TSPAN9: variants seen among roughly 807,000 people sequenced by gnomAD.
TSPAN9 encodes the protein tetraspanin 9.
Under a neutral mutation model 31.0 loss-of-function variants are expected in TSPAN9, and 16 were observed. The ratio of observed to expected loss-of-function variants is 0.52; its 90% CI spans 0.35 to 0.78. The LOEUF (loss-of-function observed/expected upper bound fraction) is 0.78. Ranked by LOEUF, TSPAN9 falls within the 30% of genes least tolerant of loss-of-function variation. The pLI, the probability that TSPAN9 is intolerant of heterozygous loss-of-function variation, is 0.01. For missense variants in TSPAN9, 272 were observed against 312.5 expected, an observed-to-expected ratio of 0.87 and a Z score of 0.98; for synonymous variants, 145 against 121.6, an observed-to-expected ratio of 1.19 and a Z score of -1.27.
chr12:3,159,128 A>G (rs2098343784), intron 2 of TSPAN9, among the ~76,000 whole-genome samples: 1 of 151,726 alleles, frequency 6.6e-6, no homozygotes, highest in Non-Finnish European at 1.5e-5. Context: ...TTCTAAGTTT[A>G]AAGTTCTCTT....
chr12:3,123,551 A>G (rs1349839363), intron 2 of TSPAN9, among the ~76,000 whole-genome samples: 1 of 151,564 alleles, frequency 6.6e-6, no homozygotes, highest in African/African-American at 2.4e-5. Flanking sequence ...GATGAGAGAG[A>G]CAGCTGTATG....
chr12:3,082,009 A>G (rs894285871), intron 1 of TSPAN9, among the ~76,000 whole-genome samples: 1 of 151,926 alleles, frequency 6.6e-6, no homozygotes, highest in Non-Finnish European at 1.5e-5. Flanking sequence ...TAAAAAAAAA[A>G]GTCTGTGCTA....
At chr12:3,264,796 C>T (rs367972021) in intron 3 of TSPAN9, among the ~76,000 whole-genome samples, 34 of 152,366 alleles carry the variant, frequency 2.2e-4, no homozygotes, top group African/African-American at 7.7e-4. Context: ...TTAATCCTGA[C>T]GACGACTCTA....
intron 3 of TSPAN9, among the ~76,000 whole-genome samples, chr12:3,256,833 C>T (rs1862356787): frequency 6.6e-6 from 1 of 152,252 alleles, no homozygotes; most frequent in South Asian, 2.1e-4. Context: ...AAATACACGG[C>T]GACTCTCCCA....
intron 2 of TSPAN9, among the ~76,000 whole-genome samples, chr12:3,101,773 A>G (rs533261667): frequency 2.8e-4 from 42 of 152,256 alleles, no homozygotes; most frequent in Non-Finnish European, 5.6e-4. Context: ...CTGGAGACAC[A>G]GTGCCTTTGA....
At chr12:3,141,083 A>G (rs1255780452) in intron 2 of TSPAN9, among the ~76,000 whole-genome samples, 1 of 151,804 alleles carries the variant, frequency 6.6e-6, no homozygotes, top group African/African-American at 2.4e-5. Context: ...GTTGACGAGG[A>G]CCACGGGGCT....
intron 5 of TSPAN9, 89 bp downstream of exon 5, chr12:3,279,155 G>A (rs1473899239): frequency 3.3e-6 from 4 of 1,201,590 alleles, no homozygotes; most frequent in Non-Finnish European, 4.9e-6. Flanking sequence ...CCTGGCCAGA[G>A]GAAGAGTGCT....
At chr12:3,106,981 C>A (rs573816730) in intron 2 of TSPAN9, among the ~76,000 whole-genome samples, 39 of 152,176 alleles carry the variant, frequency 2.6e-4, no homozygotes, top group Non-Finnish European at 5.0e-4. Context: ...TGGAAAAGGA[C>A]CATTTTGGGA....
chr12:3,249,283 C>A (rs1862201621), intron 3 of TSPAN9, among the ~76,000 whole-genome samples: 1 of 152,190 alleles, frequency 6.6e-6, no homozygotes, highest in East Asian at 1.9e-4. Flanking sequence ...CTCTCTGTTC[C>A]AACCAGTCAC....
chr12:3,267,354 G>A (rs190612753), intron 3 of TSPAN9, among the ~76,000 whole-genome samples: 6 of 152,356 alleles, frequency 3.9e-5, no homozygotes, highest in Non-Finnish European at 5.9e-5. Flanking sequence ...GTGTCCCTGA[G>A]TGCTGGGGAG....
chr12:3,078,370 C>T (rs1343090606), intron 1 of TSPAN9, among the ~76,000 whole-genome samples: 2 of 152,178 alleles, frequency 1.3e-5, no homozygotes, highest in Non-Finnish European at 2.9e-5. Flanking sequence ...CTCCAGGAAG[C>T]TTTCCTGGAC....
intron 3 of TSPAN9, among the ~76,000 whole-genome samples, chr12:3,274,116 A>G (rs889644108): frequency 9.2e-5 from 14 of 152,306 alleles, no homozygotes; most frequent in African/African-American, 2.9e-4. Context: ...TGTCCTGTGC[A>G]CTGCGGGGTG....
chr12:3,181,885 T>G (rs912371345), intron 2 of TSPAN9, among the ~76,000 whole-genome samples: 2 of 152,184 alleles, frequency 1.3e-5, no homozygotes. Flanking sequence ...CATGGGTGCC[T>G]GAGCTCAAAA....
chr12:3,161,570 G>A (rs539779495), intron 2 of TSPAN9, among the ~76,000 whole-genome samples: 34 of 152,314 alleles, frequency 2.2e-4, no homozygotes, highest in African/African-American at 6.3e-4. Flanking sequence ...AGCACCTAGC[G>A]TGGGGCCTGG....
chr12:3,137,458 G>GT (rs2153967436), intron 2 of TSPAN9, among the ~76,000 whole-genome samples: 1 of 152,328 alleles, frequency 6.6e-6, no homozygotes, highest in African/African-American at 2.4e-5. Context: ...CATCCTGCGG[G>GT]TTTTTCCAGC....
intron 2 of TSPAN9, among the ~76,000 whole-genome samples, chr12:3,180,869 T>C (rs2098358261): frequency 1.3e-5 from 2 of 152,206 alleles, no homozygotes; most frequent in South Asian, 2.1e-4. Flanking sequence ...AACAGAGCTC[T>C]GACTTGTGAA....
chr12:3,216,488 A>C (rs1398039611), intron 3 of TSPAN9, among the ~76,000 whole-genome samples: 1 of 152,096 alleles, frequency 6.6e-6, no homozygotes, highest in Non-Finnish European at 1.5e-5. Context: ...CCTCCCTTTT[A>C]CCAGGATTTT....
rs556324168 is a variant in TSPAN9, at chr12:3,262,718, TCCGCTC to T, written c.64-15702_64-15697del. 2.0e-3 allele frequency among the ~76,000 whole-genome samples: 301 copies of T among 152,206 alleles called. 1 individual carries two copies. Among genetic ancestry groups the T allele is most frequent in the African/African-American group, 6.8e-3 (282 of 41,520 alleles). On this transcript the variant is annotated intron_variant, in intron 3 of 8. Transcript: ENST00000011898. Reference sequence around the variant, plus strand: ...TAATTGGTCAGAGGCCGCGCACAGCTCCGCTCGTTCCAGGTGAGTAAAGCGCCTGGA... The same window carrying T: ...TAATTGGTCAGAGGCCGCGCACAGCTGTTCCAGGTGAGTAAAGCGCCTGGA...
intron 3 of TSPAN9, among the ~76,000 whole-genome samples, chr12:3,244,577 C>G (rs749290939): frequency 6.6e-6 from 1 of 152,162 alleles, no homozygotes; most frequent in Non-Finnish European, 1.5e-5. Flanking sequence ...AACGCACTCT[C>G]GAGCCACCTC....
Sources: allele counts gnomAD v4.1 joint callset (sites outside exome capture counted in the v4.1 genomes callset), GRCh38; gene constraint gnomAD v4.1.1; transcripts MANE v1.5; gene names NCBI Gene and HGNC (gene_info 2026-07-23, HGNC 2026-07-21).